Variants in SEPTIN1 observed in about 807,000 individuals in gnomAD.
The protein encoded by SEPTIN1 is septin 1, also known as septin-1.
SEPTIN1 carries 52 observed loss-of-function variants against 50.7 expected under a neutral mutation model. The ratio of observed to expected loss-of-function variants is 1.03; its 90% CI spans 0.82 to 1.29. The LOEUF (loss-of-function observed/expected upper bound fraction) is 1.29. SEPTIN1 is among the 50% of genes most tolerant of loss of function. SEPTIN1 has a pLI of 0.00. For synonymous variants in SEPTIN1, 204 were observed against 189.1 expected, an observed-to-expected ratio of 1.08 and a Z score of -0.65; for missense variants, 455 against 490.7, an observed-to-expected ratio of 0.93 and a Z score of 0.69.
At chr16:30,378,773 G>C in intron 9 of SEPTIN1, 73 bp from the exon 10 acceptor site, 2 of 1,454,990 alleles carry the variant, frequency 1.4e-6, no homozygotes, top group Non-Finnish European at 1.9e-6. Flanking sequence ...AGGAGGCAGG[G>C]CCTGGGGCGA....
chr16:30,379,638 C>CTTTT (rs2049813382), intron 7 of SEPTIN1, 104 bp from the exon 8 acceptor site: 28 of 295,586 alleles, frequency 9.5e-5, no homozygotes, highest in South Asian at 3.0e-4. Context: ...CTGCCCCTTC[C>CTTTT]TCTTTTTTTT....
intron 7 of SEPTIN1, 145 bp downstream of exon 7, chr16:30,379,787 A>G: frequency 1.6e-6 from 1 of 610,450 alleles, no homozygotes; most frequent in East Asian, 2.8e-5. Context: ...GTGTATTTTT[A>G]GTAGAGGTGG....
chr16:30,382,142 G>A lies in SEPTIN1; in HGVS notation c.147C>T (p.Ser49=), dbSNP rs769136961. The A allele has an allele frequency of 7.5e-6, 12 of 1,596,122 alleles. No individual in the cohort carries two copies. The highest frequency in any genetic ancestry group is 1.0e-5 in the Non-Finnish European group (12 of 1,171,354). The change falls in exon 3 of 11, where the codon AGC becomes AGT. Residue 49 remains serine, a synonymous_variant. Transcript: ENST00000321367. The surrounding 1 kb of genome is among the most constrained non-coding windows in gnomAD (Gnocchi z 4.8). ...SGLGKSTLIN[S]LFLTNLYEDR... is the part of the protein sequence containing the mutation. ...CCTCATAGAGGTTGGTGAGGAAGAGGCTGTTGATGAGGGTGGATTTCCCTA... is the reference window on the plus strand; with the variant it reads ...CCTCATAGAGGTTGGTGAGGAAGAGACTGTTGATGAGGGTGGATTTCCCTA...
In SEPTIN1 at chr16:30,378,484, C is replaced by G; in HGVS notation, c.1069G>C (p.Ala357Pro). The G allele has an allele frequency of 6.3e-7, 1 of 1,577,420 alleles. No individual in the cohort carries two copies. Among genetic ancestry groups the G allele is most frequent in the Non-Finnish European group, 8.6e-7 (1 of 1,162,692 alleles). Residue 357 changes from alanine to proline, a missense_variant, in exon 11 of 11, where the codon GCC (alanine) becomes CCC (proline). Physicochemically the swap from Ala to Pro is conservative, Grantham distance 27 (BLOSUM62 -1). Coordinates refer to ENST00000321367, the MANE Select transcript of SEPTIN1 (RefSeq NM_001365977.2). ...TGGGCCTGGCTCTGCTGCATTTGGG[C>G]CTGCATCTTCTCCAGCATCTCTTGC... ...RMQEMLEKMQ[A>P]QMQQSQAQGE... is the part of the protein sequence containing the mutation.
At chr16:30,379,809 G>C (rs1361212478) in intron 7 of SEPTIN1, 123 bp downstream of exon 7, 2 of 663,012 alleles carry the variant, frequency 3.0e-6, no homozygotes, top group Non-Finnish European at 5.3e-6. Context: ...GTCTCGCCAT[G>C]TTGCCCAGGC....
intron 7 of SEPTIN1, 128 bp downstream of exon 7, chr16:30,379,804 G>A (rs529873510): frequency 1.7e-5 from 11 of 647,080 alleles, no homozygotes; most frequent in African/African-American, 1.3e-4. Flanking sequence ...GTGGGGTCTC[G>A]CCATGTTGCC....
intron 7 of SEPTIN1, 106 bp from the exon 8 acceptor site, chr16:30,379,640 CTTTTTTTTTTTT>C (rs71149011): frequency 2.7e-4 from 65 of 239,688 alleles, no homozygotes; most frequent in African/African-American, 5.9e-4. Flanking sequence ...GCCCCTTCCT[CTTTTTTTTTTTT>C]TTTTTTTTTT....
At position 30,381,151 on chromosome 16, in the gene SEPTIN1, C is replaced by T; in HGVS notation, c.549G>A (p.Gln183=). The change falls in exon 6 of 11, where the codon CAG becomes CAA. Residue 183 remains glutamine, a synonymous_variant. Transcript: ENST00000321367. The surrounding 1 kb of genome is among the most constrained non-coding windows in gnomAD (Gnocchi z 4.3). ...VIGKADALMP[Q]ETQALKQKIR... The stretch of plus-strand genomic sequence containing the variant: ...CCTTCTGCTTGAGGGCCTGGGTTTC[C>T]TGGGGCATCAGAGCATCCGCTTTGC... 6.2e-7 allele frequency: 1 copy of T among 1,614,088 alleles called. No homozygotes were observed. The highest frequency in any genetic ancestry group is 8.5e-7 in the Non-Finnish European group (1 of 1,179,972).
rs2049861519 is a variant in SEPTIN1 at position 30,382,331 on chromosome 16, T to C, written c.53A>G (p.Asn18Ser). ...KEYVGFAALP[N>S]QLHRKSVKKG... ...CTTGACAGACTTGCGGTGCAGCTGG[T>C]TGGGGAGGGCAGCAAAACCCACGTA... Residue 18 changes from asparagine to serine, a missense_variant, in exon 2 of 11, where the codon AAC becomes AGC. Coordinates refer to ENST00000321367, the MANE Select transcript of SEPTIN1 (RefSeq NM_001365977.2). This position sits in a 1 kb window ranked among gnomAD's most constrained non-coding sequence, Gnocchi z 4.8. The C allele has an allele frequency of 4.3e-6, 7 of 1,613,634 alleles. No homozygotes were observed. The highest frequency in any genetic ancestry group is 2.7e-5 in the African/African-American group (2 of 74,986).
At position 30,382,041 on chromosome 16, in the gene SEPTIN1, G is replaced by T; in HGVS notation, c.196+52C>A. 1 of 1,588,206 alleles carries T rather than the reference G, an allele frequency of 6.3e-7. No individual in the cohort carries two copies. The highest frequency in any genetic ancestry group is 1.1e-5 in the South Asian group (1 of 89,184). On this transcript the variant is annotated intron_variant, in intron 3 of 10. Coordinates refer to ENST00000321367, the MANE Select transcript of SEPTIN1 (RefSeq NM_001365977.2). The surrounding 1 kb of genome is among the most constrained non-coding windows in gnomAD (Gnocchi z 4.8). ...GAGTCCCCAGATGGAAAAGACTAGG[G>T]TGTAACCTGGGGACAGGGGCTACTG... is the stretch of plus-strand genomic sequence containing the variant.
rs750328205 is a variant in SEPTIN1, at chr16:30,378,544, G to T, written c.1033-24C>A. On this transcript the variant is annotated intron_variant, in intron 10 of 10. Transcript: ENST00000321367. ...AGCTGTGCAGGGCGAGATTGCAGGC[G>T]GTGACCTGGCGAAGCCAGAGGGGGA... The T allele has an allele frequency of 2.5e-5, 40 of 1,601,128 alleles. No homozygotes were observed. The Middle Eastern group carries it at 5.0e-4, about 20-fold the overall frequency.
upstream of SEPTIN1, chr16:30,382,689 G>A (rs1304073233): frequency 2.6e-6 from 4 of 1,532,200 alleles, no homozygotes; most frequent in Admixed American, 7.8e-5. This position sits in a 1 kb window ranked among gnomAD's most constrained non-coding sequence, Gnocchi z 4.8. Flanking sequence ...AGAACACTTG[G>A]GGTTGCCACC....
At chr16:30,380,163 G>T in intron 6 of SEPTIN1, 130 bp from the exon 7 acceptor site, 1 of 636,708 alleles carries the variant, frequency 1.6e-6, no homozygotes, top group South Asian at 2.3e-5. Flanking sequence ...GACAGAGATG[G>T]GGAGAGATGG....
Position 30,381,876 on chromosome 16 carries a change from C to T in SEPTIN1, c.204G>A (p.Leu68=). The change falls in exon 4 of 11, where the codon TTG becomes TTA. Residue 68 remains leucine (L), a synonymous_variant. Coordinates refer to ENST00000321367, the MANE Select transcript of SEPTIN1 (RefSeq NM_001365977.2). The surrounding 1 kb of genome is among the most constrained non-coding windows in gnomAD (Gnocchi z 4.3). The stretch of plus-strand genomic sequence containing the variant: ...GGCGCTCAATGGCCAGGGTCTGTGT[C>T]AAGCGAGCTGTGGGATGGGGGAGAG... ...DRQVPEASAR[L]TQTLAIERRG... is the part of the protein sequence containing the mutation. 6.2e-7 allele frequency: 1 copy of T among 1,614,126 alleles called. No individual in the cohort carries two copies. The highest frequency in any genetic ancestry group is 8.5e-7 in the Non-Finnish European group (1 of 1,179,994).
In SEPTIN1 at chr16:30,381,867, G is replaced by C. The variant is rs1274912895; in HGVS notation, c.213C>G (p.Thr71=). The change falls in exon 4 of 11, where the codon ACC becomes ACG. Residue 71 remains threonine, a synonymous_variant. Transcript: ENST00000321367. The surrounding 1 kb of genome is among the most constrained non-coding windows in gnomAD (Gnocchi z 4.3). ...CTACGCCCCGGCGCTCAATGGCCAG[G>C]GTCTGTGTCAAGCGAGCTGTGGGAT... is the stretch of plus-strand genomic sequence containing the variant. The part of the protein sequence containing the change: ...VPEASARLTQ[T]LAIERRGVEI... The C allele has an allele frequency of 1.2e-6, 2 of 1,614,002 alleles. No individual in the cohort carries two copies. The highest frequency in any genetic ancestry group is 1.7e-6 in the Non-Finnish European group (2 of 1,180,016).
chr16:30,381,263 C>A lies in SEPTIN1; in HGVS notation c.456-19G>T, dbSNP rs377166446. On this transcript the variant is annotated intron_variant, in intron 5 of 10. Coordinates refer to ENST00000321367, the MANE Select transcript of SEPTIN1 (RefSeq NM_001365977.2). This position sits in a 1 kb window ranked among gnomAD's most constrained non-coding sequence, Gnocchi z 4.3. ...CCGGAGCCTGCACCCAGGGATTGGT[C>A]ATTGCCCAGCCTCAGGGGGCAGAGA... 17 of 1,613,620 alleles carry A rather than the reference C, an allele frequency of 1.1e-5. No individual in the cohort carries two copies. The highest frequency in any genetic ancestry group is 2.2e-5 in the South Asian group (2 of 91,042).
rs528050334 is a variant in SEPTIN1 at position 30,378,947 on chromosome 16, G to T, written c.941+71C>A. Reference sequence around the variant, plus strand: ...AGGCGGAGTCACGGGTGGTGGGGACGAGTCCTCAGGGCGGGGTCATGGGTG... The same window carrying T: ...AGGCGGAGTCACGGGTGGTGGGGACTAGTCCTCAGGGCGGGGTCATGGGTG... On this transcript the variant is annotated intron_variant, in intron 9 of 10. Transcript: ENST00000321367. 5.4e-6 allele frequency: 8 copies of T among 1,485,254 alleles called. No homozygotes were observed. In the South Asian group the frequency reaches 7.3e-5, roughly 14 times the overall value. 92.0% of individuals were successfully genotyped at this position (1,485,254 alleles called of 1,614,324 possible).
In SEPTIN1 at chr16:30,380,036, CAG is replaced by C; in HGVS notation, c.574-5_574-4del. ...TCTTCCTTCAACTGATCCCGGATCT[CAG>C]GGGAAACAGATATAGAGACAGTGTG... On this transcript the variant is annotated splice_polypyrimidine_tract_variant and splice_region_variant and intron_variant, in intron 6 of 10. Transcript: ENST00000321367. 6.2e-7 allele frequency: 1 copy of C among 1,608,298 alleles called. No individual in the cohort carries two copies. Among genetic ancestry groups the C allele is most frequent in the African/African-American group, 1.3e-5 (1 of 74,766 alleles).
rs1285067091 is a variant in SEPTIN1 at position 30,380,084 on chromosome 16, C to T, written c.574-51G>A. ...GTGTGAAACGGGCCACAATGACAGA[C>T]ATTTCATGACCAGAGACAGTGAGAC... On this transcript the variant is annotated intron_variant, in intron 6 of 10. Transcript: ENST00000321367. 2.0e-6 allele frequency: 3 copies of T among 1,469,948 alleles called. No homozygotes were observed. The African/African-American group carries it at 4.2e-5, about 21-fold the overall frequency. The allele number at this position is 1,469,948 out of a possible 1,614,324, so 91.1% of individuals were successfully genotyped here. A position where few individuals can be genotyped will look rare whatever the true frequency, so the allele number is the denominator to read the frequency against.
Sources: allele counts gnomAD v4.1 joint callset, GRCh38; gene constraint gnomAD v4.1.1; non-coding constraint Gnocchi (gnomAD v3.1); transcripts MANE v1.5; gene names NCBI Gene and HGNC (gene_info 2026-07-23, HGNC 2026-07-21).